CNIH3: variants seen among roughly 807,000 people sequenced by gnomAD.
CNIH3 encodes cornichon family AMPA receptor auxiliary protein 3, also known as protein cornichon homolog 3.
Under a neutral mutation model 24.1 loss-of-function variants are expected in CNIH3, and 14 were observed. That is an observed-to-expected ratio of 0.58 (90% CI 0.38 to 0.91). The LOEUF is 0.91. CNIH3 is among the 40% of genes least tolerant of loss of function. The pLI, the probability that CNIH3 is intolerant of heterozygous loss-of-function variation, is 0.00. For synonymous variants in CNIH3, 68 were observed against 73.8 expected (o/e 0.92, Z 0.40); for missense variants, 178 against 196.8 (o/e 0.90, Z 0.57).
intron 1 of CNIH3, among the ~76,000 whole-genome samples, chr1:224,463,534 G>A (rs556361582): frequency 2.0e-5 from 3 of 151,610 alleles, no homozygotes; most frequent in South Asian, 4.2e-4. Context: ...TCAGCCTCCC[G>A]AGTAGCTGGG....
chr1:224,643,748 G>T (rs115070206), intron 1 of CNIH3, among the ~76,000 whole-genome samples: 1 of 152,222 alleles, frequency 6.6e-6, no homozygotes, highest in East Asian at 1.9e-4. Context: ...TCTAGTATAG[G>T]CTTCCCGCCT....
Position 224,525,598 on chromosome 1 carries a change from C to T in CNIH3, n.343+4271C>T, listed in dbSNP as rs73131698. Among the ~76,000 whole-genome samples the T allele has an allele frequency of 2.5e-3, 381 of 152,266 alleles. 2 individuals are homozygous for T. The highest frequency in any genetic ancestry group is 8.2e-3 in the African/African-American group (342 of 41,544). On this transcript the variant is annotated intron_variant and non_coding_transcript_variant, in intron 2 of 2. Transcript: ENST00000470602. The stretch of plus-strand genomic sequence containing the variant: ...CACATGTAACAGCAGTGTGTTCTAC[C>T]CAGGAAATGGGGGGTGGAGGCAGTA...
At chr1:224,552,246 A>C (rs10916636) in intron 3 of CNIH3, among the ~76,000 whole-genome samples, 25,892 of 151,382 alleles carry the variant, frequency 0.17, 2,403 homozygotes, top group South Asian at 0.36. Context: ...TATTAAGAGT[A>C]ATGTATCATC....
intron 3 of CNIH3, among the ~76,000 whole-genome samples, chr1:224,687,690 G>A (rs17573714): frequency 0.18 from 26,815 of 152,092 alleles, 2,530 homozygotes; most frequent in African/African-American, 0.23. Flanking sequence ...CACCAGCTTC[G>A]TACCAGGACC....
intron 3 of CNIH3, among the ~76,000 whole-genome samples, chr1:224,596,151 A>G (rs60612280): frequency 0.026 from 3,971 of 152,334 alleles, 178 homozygotes; most frequent in African/African-American, 0.09. Context: ...CTAGAGAGGA[A>G]AAGTCAATGC....
At chr1:224,730,750 G>A in intron 4 of CNIH3, 176 bp downstream of exon 4, 1 of 540,146 alleles carries the variant, frequency 1.9e-6, no homozygotes, top group East Asian at 2.9e-5. Context: ...GTCCAATAAG[G>A]AAAGGCCCTT....
chr1:224,440,772 A>C (rs899729085), intron 1 of CNIH3, among the ~76,000 whole-genome samples: 1 of 151,716 alleles, frequency 6.6e-6, no homozygotes, highest in Non-Finnish European at 1.5e-5. Context: ...TTTCCATTTA[A>C]TACTACTCCT....
upstream of CNIH3, among the ~76,000 whole-genome samples, chr1:224,614,929 A>T (rs1227646223): frequency 2.0e-5 from 3 of 148,342 alleles, no homozygotes; most frequent in African/African-American, 7.5e-5. Context: ...ACAAAGTGAG[A>T]CTCCGTCAAA....
Position 224,444,943 on chromosome 1 carries a change from C to CT in CNIH3, n.203+10097dup, listed in dbSNP as rs77862419. 8.1e-3 allele frequency among the ~76,000 whole-genome samples: 1,109 copies of CT among 136,160 alleles called. 12 individuals are homozygous for CT. The highest frequency in any genetic ancestry group is 0.021 in the African/African-American group (777 of 37,410). 89.3% of individuals were successfully genotyped at this position (136,160 alleles called of 152,430 possible). ...CAGGCATAAGCCACCACGCCCGGCC[C>CT]TTTTTTTTTTTTTTTTAGTAAACAT... On this transcript the variant is annotated intron_variant and non_coding_transcript_variant, in intron 1 of 5. Transcript: ENST00000471578.
intron 3 of CNIH3, among the ~76,000 whole-genome samples, chr1:224,551,834 C>T (rs1337509764): frequency 1.3e-5 from 2 of 149,774 alleles, no homozygotes; most frequent in East Asian, 2.0e-4. Flanking sequence ...ACAGGGATTA[C>T]ACAGGGGGTG....
At chr1:224,654,298 G>A (rs1022235853) in intron 1 of CNIH3, among the ~76,000 whole-genome samples, 2 of 152,080 alleles carry the variant, frequency 1.3e-5, no homozygotes, top group Admixed American at 6.5e-5. Flanking sequence ...CAGGAGGATC[G>A]CTTGAACCCG....
At chr1:224,728,363 A>G (rs556328082) in intron 3 of CNIH3, among the ~76,000 whole-genome samples, 3 of 152,204 alleles carry the variant, frequency 2.0e-5, no homozygotes, top group African/African-American at 7.2e-5. Context: ...CTGAGGTCCT[A>G]TAAGGAGATA....
intron 3 of CNIH3, among the ~76,000 whole-genome samples, chr1:224,601,951 A>G (rs1269078798): frequency 6.6e-6 from 1 of 152,264 alleles, no homozygotes; most frequent in Non-Finnish European, 1.5e-5. Context: ...TGTGTAGCAT[A>G]CAAGCACCAG....
intron 4 of CNIH3, among the ~76,000 whole-genome samples, chr1:224,734,095 A>G (rs1259345994): frequency 2.0e-5 from 3 of 152,230 alleles, no homozygotes; most frequent in Non-Finnish European, 4.4e-5. Flanking sequence ...ATCAAGAAGG[A>G]AAGCACCTGT....
chr1:224,613,381 C>T (rs1431270435), upstream of CNIH3, among the ~76,000 whole-genome samples: 3 of 152,212 alleles, frequency 2.0e-5, no homozygotes, highest in Non-Finnish European at 2.9e-5. Flanking sequence ...TAACCCAGAG[C>T]AGGGCTAGAT....
intron 1 of CNIH3, among the ~76,000 whole-genome samples, chr1:224,647,743 G>A (rs1684682055): frequency 6.6e-6 from 1 of 152,148 alleles, no homozygotes; most frequent in African/African-American, 2.4e-5. Flanking sequence ...AGGTGGGCTG[G>A]GAGCCAGCAG....
At chr1:224,528,203 G>GC (rs1189790844) in intron 2 of CNIH3, among the ~76,000 whole-genome samples, 1 of 152,214 alleles carries the variant, frequency 6.6e-6, no homozygotes, top group Non-Finnish European at 1.5e-5. Context: ...GGTCAAGGCT[G>GC]CAGTATGCTA....
chr1:224,485,726 A>C (rs1572342617), intron 1 of CNIH3, among the ~76,000 whole-genome samples: 1 of 152,186 alleles, frequency 6.6e-6, no homozygotes, highest in Non-Finnish European at 1.5e-5. Flanking sequence ...TCCAGCTCCC[A>C]AAGTGCTAGG....
intron 3 of CNIH3, among the ~76,000 whole-genome samples, chr1:224,561,564 G>C (rs920163778): frequency 6.6e-6 from 1 of 152,152 alleles, no homozygotes; most frequent in Non-Finnish European, 1.5e-5. Context: ...AATTCTGCTC[G>C]ATGTGGCCTC....
Sources: gnomAD v4.1 joint callset for allele counts (sites outside exome capture counted in the v4.1 genomes callset) on GRCh38, gnomAD v4.1.1 for gene constraint, MANE v1.5 for transcripts, NCBI Gene and HGNC (gene_info 2026-07-23, HGNC 2026-07-21) for gene names.